IQSEC2: variants seen among roughly 807,000 people sequenced by gnomAD.
IQSEC2 encodes the protein IQ motif and SEC7 domain-containing protein 2.
IQSEC2 carries 6 observed loss-of-function variants against 74.6 expected under a neutral mutation model. That is an observed-to-expected ratio of 0.08 (90% confidence interval 0.04 to 0.16). IQSEC2 has a LOEUF of 0.16. IQSEC2 is among the 10% of genes least tolerant of loss of function. IQSEC2 has a pLI of 1.00. For synonymous variants in IQSEC2, 494 were observed against 544.5 expected (o/e 0.91, Z 1.29); for missense variants, 734 against 1,306.2 (o/e 0.56, Z 6.75).
At chrX:53,248,078 G>C in intron 7 of IQSEC2, 36 bp downstream of exon 7, 12 of 1,206,629 alleles carry the variant, frequency 9.9e-6, no homozygotes, top group Non-Finnish European at 1.3e-5. Flanking sequence ...GCCCACAGGA[G>C]GGAGGGGCAG....
At chrX:53,275,676 T>C (rs1437175869) in intron 2 of IQSEC2, among the ~76,000 whole-genome samples, 2 of 110,562 alleles carry the variant, frequency 1.8e-5, no homozygotes, top group East Asian at 2.8e-4. Flanking sequence ...TTTGAAATTA[T>C]TGCAGCTTTA....
intron 1 of IQSEC2, among the ~76,000 whole-genome samples, chrX:53,309,051 C>T (rs2075295356): frequency 9.7e-6 from 1 of 103,521 alleles, no homozygotes; most frequent in Non-Finnish European, 2.0e-5. Flanking sequence ...TCATAGTGAG[C>T]TGTGATCACA....
chrX:53,253,390 G>T (rs781957886), intron 4 of IQSEC2, among the ~76,000 whole-genome samples: 1 of 111,831 alleles, frequency 8.9e-6, no homozygotes, highest in South Asian at 3.7e-4. Context: ...CACACAGTTG[G>T]GAAATGGCAG....
intron 2 of IQSEC2, among the ~76,000 whole-genome samples, chrX:53,290,102 G>C (rs1220717475): frequency 9.0e-6 from 1 of 111,462 alleles, no homozygotes; most frequent in African/African-American, 3.3e-5. Context: ...AGGCAGACTT[G>C]GGTTTGAATC....
chrX:53,256,466 C>T (rs782175575), intron 2 of IQSEC2, among the ~76,000 whole-genome samples: 3 of 110,980 alleles, frequency 2.7e-5, no homozygotes, highest in Non-Finnish European at 5.7e-5. Flanking sequence ...CCATCCCCTC[C>T]TGGCCTTGTC....
At chrX:53,250,192 G>T in intron 5 of IQSEC2, 87 bp downstream of exon 5, 1 of 971,440 alleles carries the variant, frequency 1.0e-6, no homozygotes, top group Non-Finnish European at 1.5e-6. Flanking sequence ...GCAGAACGGG[G>T]ATCACTGTGT....
chrX:53,254,106 G>A (rs1370208344), intron 4 of IQSEC2, among the ~76,000 whole-genome samples: 1 of 111,335 alleles, frequency 9.0e-6, no homozygotes, highest in Admixed American at 9.5e-5. Context: ...GATGGCAGGT[G>A]GATCACCTGA....
intron 8 of IQSEC2, among the ~76,000 whole-genome samples, chrX:53,245,527 T>TCA (rs2074291472): frequency 9.0e-6 from 1 of 111,498 alleles, no homozygotes; most frequent in Admixed American, 9.5e-5. Context: ...GGACAGGTGC[T>TCA]AAAGGAACAT....
intron 3 of IQSEC2, 30 bp downstream of exon 3, chrX:53,255,770 C>A: frequency 8.3e-7 from 1 of 1,210,761 alleles, no homozygotes; most frequent in Non-Finnish European, 1.1e-6. Context: ...CATCCCGACT[C>A]CCATTCCCAA....
At chrX:53,281,644 G>A in intron 2 of IQSEC2, 1 of 838,977 alleles carries the variant, frequency 1.2e-6, no homozygotes, top group East Asian at 3.8e-5. Context: ...CAGGCCAGCT[G>A]GGCTGCGGGC....
At chrX:53,236,072 A>C (rs949434080) in intron 13 of IQSEC2, among the ~76,000 whole-genome samples, 11 of 111,630 alleles carry the variant, frequency 9.9e-5, no homozygotes, top group African/African-American at 3.3e-4. Context: ...GAAGAGGAGG[A>C]GAGGGGGAGC....
chrX:53,255,839 C>T lies in IQSEC2; in HGVS notation c.960G>A (p.Ser320=), dbSNP rs782062867. 15 of 1,210,226 alleles carry T rather than the reference C, an allele frequency of 1.2e-5. No homozygotes were observed. In the East Asian group the frequency reaches 3.0e-4, roughly 24 times the overall value. Residue 320 remains serine (S), a synonymous_variant, in exon 3 of 15, where the codon TCG becomes TCA. Transcript: ENST00000642864. ...EEEIKRSKAL[S]DSYELSTDLQ... is the part of the protein sequence containing the mutation. The stretch of plus-strand genomic sequence containing the variant: ...GGTCTGTGGAGAGTTCATAGCTGTC[C>T]GATAGGGCCTTGGAGCGCTTTATCT...
rs185512321 is a variant in IQSEC2, at chrX:53,320,647, C to T, written c.477G>A (p.Leu159=). ...GACCCAGGGCTGGGTTCTCGTGGTGCAGGTGGCACTGGGCCACGTCACGCT... is the reference window on the plus strand; with the variant it reads ...GACCCAGGGCTGGGTTCTCGTGGTGTAGGTGGCACTGGGCCACGTCACGCT... The part of the protein sequence containing the change: ...ARERDVAQCH[L]HHENPALGRE... The change falls in exon 1 of 15, where the codon CTG becomes CTA. Residue 159 remains leucine (L), a synonymous_variant. Coordinates refer to ENST00000642864, the MANE Select transcript of IQSEC2 (RefSeq NM_001111125.3). 3.9e-3 allele frequency: 4,501 copies of T among 1,162,443 alleles called. 105 individuals carry two copies. In the African/African-American group the frequency reaches 0.073, roughly 19 times the overall value.
intron 1 of IQSEC2, among the ~76,000 whole-genome samples, chrX:53,297,254 T>C (rs1185731522): frequency 1.8e-5 from 2 of 111,636 alleles, no homozygotes; most frequent in Non-Finnish European, 3.8e-5. Flanking sequence ...ATACTAATAA[T>C]GGATAAATCA....
chrX:53,309,555 G>T (rs2075300752), intron 1 of IQSEC2, among the ~76,000 whole-genome samples: 1 of 111,441 alleles, frequency 9.0e-6, no homozygotes, highest in Non-Finnish European at 1.9e-5. Context: ...AGAGGCGGGT[G>T]ACGGGTTGGC....
chrX:53,247,674 T>C (rs782569299), intron 7 of IQSEC2, among the ~76,000 whole-genome samples: 1 of 112,320 alleles, frequency 8.9e-6, no homozygotes, highest in East Asian at 2.8e-4. Context: ...CTCAGACACA[T>C]ACGAGTTCAA....
At chrX:53,284,765 G>T (rs183603597) in intron 2 of IQSEC2, among the ~76,000 whole-genome samples, 4 of 112,028 alleles carry the variant, frequency 3.6e-5, no homozygotes, top group Admixed American at 9.5e-5. Context: ...CACACATGGT[G>T]GGGGGACAAT....
intron 4 of IQSEC2, 38 bp downstream of exon 4, chrX:53,254,492 G>C: frequency 8.5e-7 from 1 of 1,173,172 alleles, no homozygotes; most frequent in Admixed American, 2.5e-5. Context: ...GCCAGAACAC[G>C]GGGATGGGGA....
At chrX:53,317,112 C>T (rs1569339954) in intron 1 of IQSEC2, among the ~76,000 whole-genome samples, 1 of 111,785 alleles carries the variant, frequency 8.9e-6, no homozygotes, top group Non-Finnish European at 1.9e-5. Flanking sequence ...GGGGGCCAAG[C>T]CAAGATCAAC....
Sources: allele counts gnomAD v4.1 joint callset (sites outside exome capture counted in the v4.1 genomes callset), GRCh38; gene constraint gnomAD v4.1.1; transcripts MANE v1.5; gene names NCBI Gene and HGNC (gene_info 2026-07-23, HGNC 2026-07-21).